The following TBL1X variants were observed in gnomAD, a reference collection of about 807,000 sequenced individuals.
TBL1X encodes F-box-like/WD repeat-containing protein TBL1X.
Under a neutral mutation model 50.7 loss-of-function variants are expected in TBL1X, and 10 were observed. The ratio of observed to expected loss-of-function variants is 0.20; its 90% CI spans 0.12 to 0.33. The LOEUF is 0.33. Among genes scored for constraint, TBL1X ranks in the 10% least tolerant of loss-of-function variants. TBL1X has a pLI of 1.00. For missense variants in TBL1X, 340 were observed against 504.4 expected, an observed-to-expected ratio of 0.67 and a Z score of 3.12; for synonymous variants, 190 against 214.7, an observed-to-expected ratio of 0.88 and a Z score of 1.01.
chrX:9,497,678 G>A (rs1032688107), intron 1 of TBL1X, among the ~76,000 whole-genome samples: 6 of 109,665 alleles, frequency 5.5e-5, no homozygotes, highest in African/African-American at 2.0e-4. Flanking sequence ...CATTTAGAAG[G>A]CTTCCATTGG....
At chrX:9,492,887 GTGTGT>G (rs2081953679) in intron 1 of TBL1X, among the ~76,000 whole-genome samples, 2 of 32,445 alleles carry the variant, frequency 6.2e-5, no homozygotes, top group Non-Finnish European at 6.8e-5. Context: ...GTGTGTGTGT[GTGTGT>G]GTGTGTAGGG....
intron 5 of TBL1X, among the ~76,000 whole-genome samples, chrX:9,659,219 A>G (rs1381463254): frequency 8.9e-6 from 1 of 112,392 alleles, no homozygotes; most frequent in Non-Finnish European, 1.9e-5. Flanking sequence ...AACACACAGG[A>G]CAGTTCTGTC....
chrX:9,604,788 G>C (rs995790025), intron 2 of TBL1X, among the ~76,000 whole-genome samples: 1 of 110,937 alleles, frequency 9.0e-6, no homozygotes, highest in African/African-American at 3.3e-5. Context: ...AGCCACCAGC[G>C]GGGCTTCTGA....
chrX:9,610,596 T>A (rs1164714238), intron 2 of TBL1X, among the ~76,000 whole-genome samples: 1 of 112,395 alleles, frequency 8.9e-6, no homozygotes, highest in Non-Finnish European at 1.9e-5. Flanking sequence ...GAAGTCCTTT[T>A]TCAAATTCCC....
At chrX:9,651,297 G>A (rs1476887118) in intron 3 of TBL1X, among the ~76,000 whole-genome samples, 4 of 111,723 alleles carry the variant, frequency 3.6e-5, no homozygotes, top group African/African-American at 1.3e-4. Flanking sequence ...CGCCTGCCTC[G>A]GCCTCCCAAA....
intron 1 of TBL1X, among the ~76,000 whole-genome samples, chrX:9,475,868 G>A (rs1040205736): frequency 2.7e-5 from 3 of 111,723 alleles, no homozygotes; most frequent in African/African-American, 6.5e-5. Flanking sequence ...TTTCTTCTTT[G>A]TGAATATTGA....
At chrX:9,684,941 C>T (rs906059515) in intron 6 of TBL1X, among the ~76,000 whole-genome samples, 4 of 112,506 alleles carry the variant, frequency 3.6e-5, no homozygotes, top group Non-Finnish European at 7.5e-5. Flanking sequence ...CAGCAGAACC[C>T]GGCAGAGGGC....
chrX:9,574,774 A>G (rs1045966300), intron 2 of TBL1X, among the ~76,000 whole-genome samples: 6 of 111,727 alleles, frequency 5.4e-5, no homozygotes, highest in Admixed American at 4.8e-4. Flanking sequence ...CAGCTGTCAT[A>G]AAGAAGTCAT....
At chrX:9,549,095 A>T (rs754836870) in intron 2 of TBL1X, among the ~76,000 whole-genome samples, 86 of 112,913 alleles carry the variant, frequency 7.6e-4, no homozygotes, top group Non-Finnish European at 1.1e-3. Context: ...AGTGCATTGC[A>T]CTAAGGAAGC....
chrX:9,523,602 C>G (rs1470778486), intron 2 of TBL1X, among the ~76,000 whole-genome samples: 3 of 112,707 alleles, frequency 2.7e-5, no homozygotes, highest in Non-Finnish European at 5.6e-5. Flanking sequence ...TCTCAAAACA[C>G]CAGTGGTTCA....
chrX:9,484,658 C>T (rs2081901467), intron 1 of TBL1X, among the ~76,000 whole-genome samples: 1 of 110,444 alleles, frequency 9.1e-6, no homozygotes, highest in African/African-American at 3.3e-5. Context: ...ATCCATTCAC[C>T]AGTTGTTGAA....
intron 12 of TBL1X, among the ~76,000 whole-genome samples, chrX:9,700,702 G>A (rs1420281910): frequency 2.7e-5 from 3 of 111,411 alleles, no homozygotes; most frequent in South Asian, 3.8e-4. Context: ...TTAATGGGGC[G>A]ATAGGAGACA....
chrX:9,686,057 G>A (rs908100178), intron 6 of TBL1X, among the ~76,000 whole-genome samples: 4 of 110,970 alleles, frequency 3.6e-5, no homozygotes, highest in African/African-American at 1.3e-4. Context: ...GCCATTTTTC[G>A]CAAAGCTGTG....
intron 2 of TBL1X, among the ~76,000 whole-genome samples, chrX:9,600,473 G>GT (rs1338563839): frequency 3.8e-5 from 3 of 79,591 alleles, no homozygotes; most frequent in African/African-American, 1.6e-4. Flanking sequence ...GGTGGGCGGG[G>GT]GGGGGGGTAC....
intron 2 of TBL1X, among the ~76,000 whole-genome samples, chrX:9,546,802 A>C (rs1463791948): frequency 1.5e-5 from 1 of 68,914 alleles, no homozygotes. Context: ...ATTTATTCTT[A>C]ATTTTTTTTT....
chrX:9,612,265 T>C (rs1425335000), intron 2 of TBL1X, among the ~76,000 whole-genome samples: 1 of 111,418 alleles, frequency 9.0e-6, no homozygotes, highest in South Asian at 3.8e-4. Context: ...ACAGGAAGAA[T>C]CATGTGGCCT....
At chrX:9,630,895 G>A (rs929253601) in intron 2 of TBL1X, among the ~76,000 whole-genome samples, 3 of 112,180 alleles carry the variant, frequency 2.7e-5, no homozygotes, top group Non-Finnish European at 5.6e-5. Context: ...TTTTCAATCC[G>A]TAGATGCAGA....
In TBL1X at chrX:9,718,634, C is replaced by T. The variant is rs754902402; in HGVS notation, c.*2388C>T. 1 of 111,950 alleles carries T rather than the reference C, an allele frequency of 8.9e-6. No homozygotes were observed. Among genetic ancestry groups the T allele is most frequent in the East Asian group, 2.8e-4 (1 of 3,548 alleles). 9.2% of individuals were successfully genotyped at this position (111,950 alleles called of 1,213,427 possible). On this transcript the variant is annotated 3_prime_UTR_variant, in exon 18 of 18. Transcript: ENST00000645353. ...CATCTGCTGTCAAAGGCCAGCCTGTCGTTAGGGCATGGCTTATGCTTGACA... is the reference window on the plus strand; with the variant it reads ...CATCTGCTGTCAAAGGCCAGCCTGTTGTTAGGGCATGGCTTATGCTTGACA...
chrX:9,463,460 T>A (rs1257132551), upstream of TBL1X: 2 of 112,185 alleles, frequency 1.8e-5, no homozygotes, highest in Admixed American at 1.9e-4. Context: ...TTATGGAGAC[T>A]GTGTAAGTGT....
Sources: allele counts gnomAD v4.1 joint callset (sites outside exome capture counted in the v4.1 genomes callset), GRCh38; gene constraint gnomAD v4.1.1; transcripts MANE v1.5; gene names NCBI Gene and HGNC (gene_info 2026-07-23, HGNC 2026-07-21).